Variants in TEX36 observed in about 807,000 individuals in gnomAD.
TEX36 encodes testis expressed 36.
In TEX36, 12 loss-of-function variants were observed where a neutral mutation model predicts 13.6. The ratio of observed to expected loss-of-function variants is 0.88; its 90% CI spans 0.56 to 1.43. The LOEUF is 1.43. Ranked by LOEUF, TEX36 falls within the 40% of genes most tolerant of loss-of-function variation. The pLI is 0.00. For synonymous variants in TEX36, 93 were observed against 83.0 expected, an observed-to-expected ratio of 1.12 and a Z score of -0.65; for missense variants, 224 against 228.3, an observed-to-expected ratio of 0.98 and a Z score of 0.12.
chr10:125,666,945 T>G, intron 1 of TEX36: 2 of 776,050 alleles, frequency 2.6e-6, no homozygotes, highest in Non-Finnish European at 2.0e-6. Flanking sequence ...TGGGGTGTAC[T>G]TTCCTTGACA....
chr10:125,576,702 A>G lies in TEX36; in HGVS notation c.*47T>C, dbSNP rs182942606. On this transcript the variant is annotated 3_prime_UTR_variant, in exon 4 of 4. Coordinates refer to the TEX36 transcript ENST00000532135. ...CTTCCCAACTAATACACATTCTATT[A>G]GTCAGGACTCTGGGGAATGGGTGAC... The G allele has an allele frequency of 7.6e-5, 116 of 1,533,730 alleles. No individual in the cohort carries two copies. In the African/African-American group the frequency reaches 1.4e-3, roughly 19 times the overall value.
chr10:125,601,696 C>G (rs1283152189), intron 3 of TEX36, among the ~76,000 whole-genome samples: 1 of 152,208 alleles, frequency 6.6e-6, no homozygotes, highest in Non-Finnish European at 1.5e-5. Context: ...GGGCCCCCAC[C>G]TACCCTCAAT....
intron 3 of TEX36, among the ~76,000 whole-genome samples, chr10:125,594,258 T>C (rs148529997): frequency 4.3e-4 from 65 of 152,360 alleles, no homozygotes; most frequent in Admixed American, 7.8e-4. Context: ...GCTAGATATA[T>C]ATTTAAATAA....
chr10:125,630,335 A>T (rs1453130770), intron 3 of TEX36, among the ~76,000 whole-genome samples: 1 of 152,162 alleles, frequency 6.6e-6, no homozygotes, highest in African/African-American at 2.4e-5. Flanking sequence ...TGGGGGCTGG[A>T]TACACTTGAA....
At chr10:125,654,267 T>A (rs2133588213), downstream of TEX36, among the ~76,000 whole-genome samples, 1 of 152,266 alleles carries the variant, frequency 6.6e-6, no homozygotes, top group Non-Finnish European at 1.5e-5. Flanking sequence ...AGCTTTCTCA[T>A]GCATCTGCCA....
intron 1 of TEX36, among the ~76,000 whole-genome samples, chr10:125,681,974 GAA>G (rs1300085550): frequency 6.6e-6 from 1 of 152,194 alleles, no homozygotes; most frequent in Non-Finnish European, 1.5e-5. Context: ...CAAATTTGCT[GAA>G]GTGTTTTCTG....
chr10:125,643,923 A>G (rs1846727519), intron 3 of TEX36, among the ~76,000 whole-genome samples: 1 of 152,188 alleles, frequency 6.6e-6, no homozygotes, highest in African/African-American at 2.4e-5. Flanking sequence ...AACAAAACAA[A>G]GCAAAACAAA....
intron 3 of TEX36, among the ~76,000 whole-genome samples, chr10:125,589,896 TGTAAA>T (rs1565168302): frequency 6.6e-6 from 1 of 152,234 alleles, no homozygotes; most frequent in Non-Finnish European, 1.5e-5. Flanking sequence ...TGATGTGGTT[TGTAAA>T]GTCTCGGTAT....
chr10:125,623,728 AT>A (rs1415797799), intron 3 of TEX36, among the ~76,000 whole-genome samples: 1 of 152,224 alleles, frequency 6.6e-6, no homozygotes, highest in African/African-American at 2.4e-5. Context: ...ATTCGAAGGC[AT>A]TCTGGCTCTT....
intron 3 of TEX36, among the ~76,000 whole-genome samples, chr10:125,593,219 A>C (rs1311101114): frequency 6.6e-6 from 1 of 152,250 alleles, no homozygotes; most frequent in African/African-American, 2.4e-5. Flanking sequence ...TTAGCATGAC[A>C]CTTGCTACTT....
At position 125,682,264 on chromosome 10, in the gene TEX36, A is replaced by C. The variant is rs575543637; in HGVS notation, c.51+675T>G. 5.3e-5 allele frequency among the ~76,000 whole-genome samples: 8 copies of C among 152,350 alleles called. No homozygotes were observed. In the South Asian group the frequency reaches 1.7e-3, roughly 32 times the overall value. On this transcript the variant is annotated intron_variant, in intron 1 of 3. Coordinates refer to ENST00000368821, the MANE Select transcript of TEX36 (RefSeq NM_001128202.3). ...TTAGGAGTGACCCAAATGTTTCCTGAAGATGGTAGAAGAGTGAAAAATCCC... is the reference window on the plus strand; with the variant it reads ...TTAGGAGTGACCCAAATGTTTCCTGCAGATGGTAGAAGAGTGAAAAATCCC...
chr10:125,636,047 A>G (rs1463835823), intron 3 of TEX36, among the ~76,000 whole-genome samples: 1 of 150,352 alleles, frequency 6.7e-6, no homozygotes, highest in Non-Finnish European at 1.5e-5. Context: ...CTAATTTTTA[A>G]AATGTATTGT....
chr10:125,634,751 C>CTAGAAT (rs1565179769), intron 3 of TEX36, among the ~76,000 whole-genome samples: 8 of 152,130 alleles, frequency 5.3e-5, no homozygotes, highest in Admixed American at 5.2e-4. Flanking sequence ...AATGGTTTAG[C>CTAGAAT]GGTTGGCTGT....
intron 3 of TEX36, among the ~76,000 whole-genome samples, chr10:125,644,759 T>C (rs1846742202): frequency 6.6e-6 from 1 of 152,232 alleles, no homozygotes; most frequent in South Asian, 2.1e-4. Context: ...TTATGTTACA[T>C]GTTATGTTAC....
downstream of TEX36, among the ~76,000 whole-genome samples, chr10:125,620,327 G>T (rs1426286330): frequency 6.6e-6 from 1 of 152,188 alleles, no homozygotes; most frequent in Non-Finnish European, 1.5e-5. Flanking sequence ...ACTCATTGTT[G>T]CTTTAATGGC....
At chr10:125,673,876 G>A (rs1847271123) in intron 1 of TEX36, among the ~76,000 whole-genome samples, 1 of 151,950 alleles carries the variant, frequency 6.6e-6, no homozygotes, top group South Asian at 2.1e-4. Context: ...TTTCCACGTT[G>A]GAGAATCTGA....
At chr10:125,594,048 C>T (rs1454919163) in intron 3 of TEX36, among the ~76,000 whole-genome samples, 1 of 152,184 alleles carries the variant, frequency 6.6e-6, no homozygotes, top group Non-Finnish European at 1.5e-5. Context: ...CTCTCTGGAG[C>T]TCTAAGGAGC....
intron 1 of TEX36, among the ~76,000 whole-genome samples, chr10:125,671,494 G>A (rs1022243125): frequency 1.3e-5 from 2 of 152,168 alleles, no homozygotes; most frequent in East Asian, 1.9e-4. Flanking sequence ...CTTGATCATG[G>A]TGGATAAGCT....
At chr10:125,619,732 C>G (rs1055421668), downstream of TEX36, among the ~76,000 whole-genome samples, 4 of 151,526 alleles carry the variant, frequency 2.6e-5, no homozygotes, top group Non-Finnish European at 5.9e-5. Context: ...AATTTTTGTA[C>G]TTTTAGTAGA....
Sources: allele counts gnomAD v4.1 joint callset (sites outside exome capture counted in the v4.1 genomes callset), GRCh38; gene constraint gnomAD v4.1.1; transcripts MANE v1.5; gene names NCBI Gene and HGNC (gene_info 2026-07-23, HGNC 2026-07-21).